Variants in PKD2L2 observed in about 807,000 individuals in gnomAD.
The protein encoded by PKD2L2 is polycystin-2-like protein 2.
In PKD2L2, 67 loss-of-function variants were observed where a neutral mutation model predicts 83.9. The ratio of observed to expected loss-of-function variants is 0.80; its 90% CI spans 0.66 to 0.98. The LOEUF (loss-of-function observed/expected upper bound fraction) is 0.98. Ranked by LOEUF, PKD2L2 falls within the 50% of genes least tolerant of loss-of-function variation. The probability of loss-of-function intolerance (pLI) is 0.00; values close to 1 mark genes in which losing one functional copy is unlikely to be tolerated. For synonymous variants in PKD2L2, 223 were observed against 237.8 expected, an observed-to-expected ratio of 0.94 and a Z score of 0.57; for missense variants, 632 against 717.2, an observed-to-expected ratio of 0.88 and a Z score of 1.36.
At chr5:137,912,804 TC>T (rs199613163) in intron 8 of PKD2L2, among the ~76,000 whole-genome samples, 8,814 of 134,398 alleles carry the variant, frequency 0.066, 1,085 homozygotes, top group African/African-American at 0.14. Flanking sequence ...TTTCTTTCTT[TC>T]TTTTTTTTTT....
At chr5:137,897,503 C>A (rs1756584077) in intron 4 of PKD2L2, among the ~76,000 whole-genome samples, 1 of 152,130 alleles carries the variant, frequency 6.6e-6, no homozygotes, top group Non-Finnish European at 1.5e-5. Context: ...AGTACAAATA[C>A]TTTATTAAAT....
chr5:137,906,358 A>G lies in PKD2L2; in HGVS notation c.899A>G (p.Glu300Gly), dbSNP rs1298153163. The G allele has an allele frequency of 3.1e-6, 5 of 1,610,228 alleles. No individual in the cohort carries two copies. Among genetic ancestry groups the G allele is most frequent in the Non-Finnish European group, 4.2e-6 (5 of 1,177,086 alleles). Residue 300 changes from glutamate to glycine, a missense_variant, in exon 6 of 15, where the codon GAA becomes GGA. Around this residue, in one of 3 missense-constraint regions of PKD2L2, gnomAD observed 399 missense variants for 416.9 expected, o/e 0.96. Coordinates refer to ENST00000508883, the MANE Select transcript of PKD2L2 (RefSeq NM_001300921.2). Reference protein sequence around the residue: ...CIFLFVFTTQEVKKIKEFKSA... With the variant: ...CIFLFVFTTQGVKKIKEFKSA... ...TTTCTTTTTGTCTTCACAACACAAG[A>G]AGTCAAAAAAATAAAAGAATTTAAG...
chr5:137,924,100 G>A (rs958534216), intron 10 of PKD2L2, among the ~76,000 whole-genome samples: 3 of 152,128 alleles, frequency 2.0e-5, no homozygotes, highest in Admixed American at 2.0e-4. Context: ...CACTAGATGA[G>A]GCTTTCAGTA....
rs767757803 is a variant in PKD2L2 at position 137,894,493 on chromosome 5, C to G, written c.408C>G (p.Val136=). The stretch of plus-strand genomic sequence containing the variant: ...TTCCCAGAGTTCGTCAACTAAAAGT[C>G]CGCAACAACACATGCAAAGTCTATT... The part of the protein sequence containing the change: ...LGVPRVRQLK[V]RNNTCKVYSS... Residue 136 remains valine, a synonymous_variant, in exon 4 of 15, where the codon GTC becomes GTG. Transcript: ENST00000508883. The G allele has an allele frequency of 1.2e-6, 2 of 1,613,958 alleles. No individual in the cohort carries two copies. The highest frequency in any genetic ancestry group is 1.7e-5 in the Admixed American group (1 of 60,020).
chr5:137,915,583 C>T (rs368693036), intron 8 of PKD2L2, among the ~76,000 whole-genome samples: 82 of 152,134 alleles, frequency 5.4e-4, no homozygotes, highest in East Asian at 9.7e-4. Flanking sequence ...CCACCATGCC[C>T]GGCTAATTTT....
rs139750015 is a variant in PKD2L2, at chr5:137,895,199, G to A, written c.524+590G>A. Among the ~76,000 whole-genome samples, 829 of 152,234 alleles carry A rather than the reference G, an allele frequency of 5.4e-3. 9 individuals carry two copies. The highest frequency in any genetic ancestry group is 0.019 in the African/African-American group (781 of 41,540). On this transcript the variant is annotated intron_variant, in intron 4 of 14. Coordinates refer to ENST00000508883, the MANE Select transcript of PKD2L2 (RefSeq NM_001300921.2). ...TTGAAAATGTGAGGCTGGACATGGT[G>A]GCTCACACCTGTAATCCCAGCACTT...
chr5:137,921,511 T>A, intron 8 of PKD2L2, 125 bp from the exon 9 acceptor site: 1 of 638,224 alleles, frequency 1.6e-6, no homozygotes, highest in Non-Finnish European at 2.7e-6. Flanking sequence ...TGTACTAACA[T>A]AATTAAAGTC....
chr5:137,903,886 A>G (rs775157210), intron 5 of PKD2L2, among the ~76,000 whole-genome samples: 2 of 152,056 alleles, frequency 1.3e-5, no homozygotes, highest in Non-Finnish European at 2.9e-5. Flanking sequence ...CCTCCTGAGT[A>G]TCTGGGATTA....
chr5:137,918,295 T>C (rs185729318), intron 8 of PKD2L2, among the ~76,000 whole-genome samples: 42 of 152,222 alleles, frequency 2.8e-4, no homozygotes, highest in African/African-American at 8.7e-4. Context: ...ACCCTTGATA[T>C]GGAGTTGGTT....
At chr5:137,901,331 G>A (rs1756937975) in intron 5 of PKD2L2, among the ~76,000 whole-genome samples, 1 of 152,076 alleles carries the variant, frequency 6.6e-6, no homozygotes, top group African/African-American at 2.4e-5. Context: ...CAATATAGCA[G>A]ACGTCATTTT....
intron 8 of PKD2L2, among the ~76,000 whole-genome samples, chr5:137,917,648 A>C (rs1758501017): frequency 6.6e-6 from 1 of 151,446 alleles, no homozygotes; most frequent in Admixed American, 6.6e-5. Flanking sequence ...CTTTATTGAT[A>C]TTTCCATTTT....
intron 5 of PKD2L2, 142 bp from the exon 6 acceptor site, chr5:137,906,064 C>T (rs1194426160): frequency 3.6e-6 from 2 of 554,038 alleles, no homozygotes; most frequent in Non-Finnish European, 6.3e-6. Flanking sequence ...AAATTGAACC[C>T]ATTTCCCCAA....
intron 8 of PKD2L2, among the ~76,000 whole-genome samples, chr5:137,913,017 C>T (rs1580938861): frequency 6.7e-6 from 1 of 149,852 alleles, no homozygotes; most frequent in Non-Finnish European, 1.5e-5. Context: ...TTGGTCAGGC[C>T]GGTCTCAAAC....
chr5:137,891,911 C>G (rs890085328), intron 2 of PKD2L2, among the ~76,000 whole-genome samples: 1 of 152,138 alleles, frequency 6.6e-6, no homozygotes, highest in Non-Finnish European at 1.5e-5. Flanking sequence ...GTCTCGAACT[C>G]CTGATCTCAG....
chr5:137,919,268 CTTTT>C (rs1356771629), intron 8 of PKD2L2, among the ~76,000 whole-genome samples: 2 of 152,066 alleles, frequency 1.3e-5, no homozygotes, highest in Admixed American at 1.3e-4. Flanking sequence ...CGTCATGGTG[CTTTT>C]AGCTTGCAAA....
intron 4 of PKD2L2, 44 bp downstream of exon 4, chr5:137,894,653 T>G: frequency 6.7e-7 from 1 of 1,481,982 alleles, no homozygotes; most frequent in Non-Finnish European, 9.3e-7. Context: ...TAGCATTTAC[T>G]GTTGTATCTT....
chr5:137,895,735 A>G (rs940763933), intron 4 of PKD2L2, among the ~76,000 whole-genome samples: 2 of 151,642 alleles, frequency 1.3e-5, no homozygotes, highest in African/African-American at 2.4e-5. Context: ...AAAATTAGTC[A>G]GGTATGGTAG....
At chr5:137,942,070 G>A (rs1762003477) in intron 14 of PKD2L2, 2 of 1,553,022 alleles carry the variant, frequency 1.3e-6, no homozygotes, top group Non-Finnish European at 1.8e-6. Flanking sequence ...GTAAAATACT[G>A]AAGGGCACAC....
intron 14 of PKD2L2, 45 bp downstream of exon 14, chr5:137,936,472 T>C (rs1040694905): frequency 5.4e-6 from 8 of 1,484,454 alleles, no homozygotes; most frequent in East Asian, 2.5e-5. Context: ...TTTTTTTTTT[T>C]TGAGACGGAG....
Sources: gnomAD v4.1 joint callset for allele counts (sites outside exome capture counted in the v4.1 genomes callset) on GRCh38, gnomAD v4.1.1 for gene constraint, gnomAD v4.1.1 regional missense constraint, MANE v1.5 for transcripts, NCBI Gene and HGNC (gene_info 2026-07-23, HGNC 2026-07-21) for gene names.